B3GLCT: variants seen among roughly 807,000 people sequenced by gnomAD.
B3GLCT encodes beta-1,3-glucosyltransferase.
A neutral mutation model predicts 63.4 loss-of-function variants in B3GLCT; 65 were observed. The ratio of observed to expected loss-of-function variants is 1.03; its 90% CI spans 0.84 to 1.26. B3GLCT has a LOEUF of 1.26. B3GLCT is among the 50% of genes most tolerant of loss of function. B3GLCT has a pLI of 0.00. For missense variants in B3GLCT, 577 were observed against 604.8 expected (o/e 0.95, Z 0.48); for synonymous variants, 233 against 219.2 (o/e 1.06, Z -0.55).
intron 6 of B3GLCT, among the ~76,000 whole-genome samples, chr13:31,254,075 C>G (rs546581366): frequency 1.3e-5 from 2 of 152,306 alleles, no homozygotes; most frequent in South Asian, 4.1e-4. Flanking sequence ...CAGACAGATT[C>G]ACAGCTGAAT....
At chr13:31,314,951 A>G (rs1021494918) in intron 12 of B3GLCT, among the ~76,000 whole-genome samples, 2 of 152,170 alleles carry the variant, frequency 1.3e-5, no homozygotes, top group East Asian at 3.9e-4. Context: ...TGATGGGTTT[A>G]TCAGGGGTTT....
chr13:31,288,851 T>C (rs926006105), intron 12 of B3GLCT, among the ~76,000 whole-genome samples: 1 of 151,956 alleles, frequency 6.6e-6, no homozygotes, highest in African/African-American at 2.4e-5. Flanking sequence ...GAAAATATGA[T>C]ACCAGTAAAG....
At chr13:31,325,698 T>TA (rs1403242666) in intron 14 of B3GLCT, among the ~76,000 whole-genome samples, 1 of 152,252 alleles carries the variant, frequency 6.6e-6, no homozygotes, top group Non-Finnish European at 1.5e-5. Context: ...TTCCAATTCT[T>TA]AAGCCTCTTT....
intron 8 of B3GLCT, among the ~76,000 whole-genome samples, chr13:31,272,665 G>A (rs1354525133): frequency 6.6e-6 from 1 of 151,912 alleles, no homozygotes; most frequent in Non-Finnish European, 1.5e-5. Flanking sequence ...CCTAACAATG[G>A]TTTATTAATC....
chr13:31,309,112 G>C (rs1376113236), intron 12 of B3GLCT, among the ~76,000 whole-genome samples: 1 of 152,114 alleles, frequency 6.6e-6, no homozygotes, highest in African/African-American at 2.4e-5. Context: ...CATATCACAG[G>C]TGATTGTTTG....
chr13:31,243,714 C>G (rs888354330), intron 4 of B3GLCT, among the ~76,000 whole-genome samples: 1 of 152,152 alleles, frequency 6.6e-6, no homozygotes, highest in Non-Finnish European at 1.5e-5. Flanking sequence ...TTATTAGCTG[C>G]TTTAAATATG....
intron 4 of B3GLCT, among the ~76,000 whole-genome samples, chr13:31,236,382 G>A (rs1184440966): frequency 6.6e-6 from 1 of 152,096 alleles, no homozygotes; most frequent in African/African-American, 2.4e-5. Flanking sequence ...AGCCTGTTGA[G>A]TAGGGGACTT....
At chr13:31,310,129 G>A (rs990892718) in intron 12 of B3GLCT, among the ~76,000 whole-genome samples, 1 of 152,048 alleles carries the variant, frequency 6.6e-6, no homozygotes, top group Admixed American at 6.6e-5. Context: ...CTAATCAAAT[G>A]GTGCTTTTCC....
At chr13:31,246,915 C>G (rs1249908135) in intron 4 of B3GLCT, 108 bp from the exon 5 acceptor site, 46 of 863,364 alleles carry the variant, frequency 5.3e-5, no homozygotes, top group Middle Eastern at 6.4e-4. Flanking sequence ...TTAAGCCAAG[C>G]CTTTTCTTTT....
intron 14 of B3GLCT, among the ~76,000 whole-genome samples, 163 bp downstream of exon 14, chr13:31,324,058 T>C (rs1024987848): frequency 2.0e-5 from 3 of 152,242 alleles, no homozygotes; most frequent in Admixed American, 2.0e-4. Flanking sequence ...CCCTGTTTGA[T>C]GTACACACTG....
chr13:31,269,128 T>G (rs1444583035), intron 7 of B3GLCT, 86 bp from the exon 8 acceptor site: 1 of 917,340 alleles, frequency 1.1e-6, no homozygotes, highest in Non-Finnish European at 1.8e-6. Flanking sequence ...TTATCTGTTT[T>G]CAAACACTAG....
chr13:31,270,847 TC>T (rs1332005285), intron 8 of B3GLCT, among the ~76,000 whole-genome samples: 1 of 152,200 alleles, frequency 6.6e-6, no homozygotes. Flanking sequence ...TGGATTCTTG[TC>T]TCACAACCAG....
intron 14 of B3GLCT, among the ~76,000 whole-genome samples, chr13:31,324,229 A>C (rs1875491223): frequency 6.6e-6 from 1 of 152,202 alleles, no homozygotes; most frequent in Admixed American, 6.5e-5. Context: ...TACTGCCTAG[A>C]AATATATAGG....
At chr13:31,251,795 C>G (rs1422323005) in intron 6 of B3GLCT, among the ~76,000 whole-genome samples, 1 of 152,212 alleles carries the variant, frequency 6.6e-6, no homozygotes, top group Non-Finnish European at 1.5e-5. Flanking sequence ...AAACACTCTT[C>G]AGGATATTAT....
At chr13:31,312,684 G>A (rs1874780514) in intron 12 of B3GLCT, 1 of 152,196 alleles carries the variant, frequency 6.6e-6, no homozygotes, top group African/African-American at 2.4e-5. Context: ...GTCGCAGGGA[G>A]CTGAGAAAGA....
At position 31,331,236 on chromosome 13, in the gene B3GLCT, C is replaced by G. The variant is rs189676347; in HGVS notation, c.*1568C>G. 2 of 152,386 alleles carry G rather than the reference C, an allele frequency of 1.3e-5. No individual in the cohort carries two copies. The highest frequency in any genetic ancestry group is 3.9e-4 in the East Asian group (2 of 5,184). 9.4% of individuals were successfully genotyped at this position (152,386 alleles called of 1,614,324 possible). ...ACCGTGGTAGTCACCTTCATGTCAT[C>G]TATAATAGTACTCCTGGAGAGCCCT... On this transcript the variant is annotated 3_prime_UTR_variant, in exon 15 of 15. Coordinates refer to ENST00000343307, the MANE Select transcript of B3GLCT (RefSeq NM_194318.4).
intron 2 of B3GLCT, among the ~76,000 whole-genome samples, chr13:31,220,748 A>G (rs1287311769): frequency 2.6e-5 from 4 of 152,210 alleles, no homozygotes; most frequent in African/African-American, 9.6e-5. Context: ...GTGTCAGTCA[A>G]CAGAGCTGCT....
At chr13:31,321,874 C>T (rs1014144508) in intron 13 of B3GLCT, among the ~76,000 whole-genome samples, 6 of 151,818 alleles carry the variant, frequency 4.0e-5, no homozygotes, top group African/African-American at 1.5e-4. Context: ...TTTTGAGGGG[C>T]AGGAGGTGTT....
At chr13:31,221,015 G>A (rs1198738433) in intron 2 of B3GLCT, among the ~76,000 whole-genome samples, 1 of 152,182 alleles carries the variant, frequency 6.6e-6, no homozygotes, top group African/African-American at 2.4e-5. Flanking sequence ...CCCGAGGAAG[G>A]CTGGGCAGGC....
Sources: gnomAD v4.1 joint callset for allele counts (sites outside exome capture counted in the v4.1 genomes callset) on GRCh38, gnomAD v4.1.1 for gene constraint, MANE v1.5 for transcripts, NCBI Gene and HGNC (gene_info 2026-07-23, HGNC 2026-07-21) for gene names.